The following DPYSL2 variants were observed in gnomAD, a reference collection of about 807,000 sequenced individuals.
DPYSL2 encodes the protein dihydropyrimidinase like 2.
A neutral mutation model predicts 69.9 loss-of-function variants in DPYSL2; 13 were observed. The ratio of observed to expected loss-of-function variants is 0.19; its 90% CI spans 0.12 to 0.30. DPYSL2 has a LOEUF of 0.30. Among genes scored for constraint, DPYSL2 ranks in the 10% least tolerant of loss-of-function variants. The pLI, the probability that DPYSL2 is intolerant of heterozygous loss-of-function variation, is 1.00. For missense variants in DPYSL2, 587 were observed against 918.9 expected, an observed-to-expected ratio of 0.64 and a Z score of 4.67; for synonymous variants, 326 against 359.1, an observed-to-expected ratio of 0.91 and a Z score of 1.04.
chr8:26,656,008 C>T lies in DPYSL2; in HGVS notation c.*302C>T, dbSNP rs141974785. 0.012 allele frequency: 3,445 copies of T among 283,386 alleles called. 139 individuals are homozygous for T. Among genetic ancestry groups the T allele is most frequent in the Admixed American group, 0.094 (1,800 of 19,146 alleles). The allele number at this position is 283,386 out of a possible 1,614,324, so 17.6% of individuals were successfully genotyped here. On this transcript the variant is annotated 3_prime_UTR_variant, in exon 14 of 14. Coordinates refer to ENST00000521913, the MANE Select transcript of DPYSL2 (RefSeq NM_001197293.3). ...AGACATGCGAACAAGCAGCCCCCAG[C>T]GAGGGTCTCCTTCGCCTTCAACCTC...
At position 26,627,631 on chromosome 8, in the gene DPYSL2, C is replaced by T. The variant is rs1029513515; in HGVS notation, c.937-241C>T. ...GGCTGAGGGTTGCAAATGCACCAGT[C>T]GTCAGCATCCCAGGGAACAGCTGAA... On this transcript the variant is annotated intron_variant, in intron 6 of 13. Transcript: ENST00000521913. This position sits in a 1 kb window ranked among gnomAD's most constrained non-coding sequence, Gnocchi z 6.9. Among the ~76,000 whole-genome samples, 30 of 152,276 alleles carry T rather than the reference C, an allele frequency of 2.0e-4. No homozygotes were observed. The highest frequency in any genetic ancestry group is 7.0e-4 in the African/African-American group (29 of 41,546).
At chr8:26,622,476 ATGTGTGTGTGTGTGTGTGTG>A (rs372106979) in intron 3 of DPYSL2, among the ~76,000 whole-genome samples, 33 of 127,564 alleles carry the variant, frequency 2.6e-4, no homozygotes, top group Non-Finnish European at 4.1e-4. Flanking sequence ...GTGTGTGTAT[ATGTGTGTGTGTGTGTGTGTG>A]TATATATATA....
chr8:26,535,633 A>ATTTTT (rs1408347228), intron 1 of DPYSL2, among the ~76,000 whole-genome samples: 1 of 149,908 alleles, frequency 6.7e-6, no homozygotes, highest in African/African-American at 2.5e-5. Context: ...ATATATATAT[A>ATTTTT]TATTTTTTTT....
At chr8:26,616,763 A>G (rs566964825) in intron 3 of DPYSL2, among the ~76,000 whole-genome samples, 6 of 151,848 alleles carry the variant, frequency 4.0e-5, no homozygotes, top group Non-Finnish European at 7.4e-5. Context: ...CACGGGTGTA[A>G]CCTTGAGGTG....
At chr8:26,568,730 C>T (rs1046238861) in intron 1 of DPYSL2, among the ~76,000 whole-genome samples, 1 of 94,514 alleles carries the variant, frequency 1.1e-5, no homozygotes, top group Non-Finnish European at 1.9e-5. Flanking sequence ...ATGTTATTTA[C>T]ACTTTCAGAG....
intron 1 of DPYSL2, among the ~76,000 whole-genome samples, chr8:26,561,848 G>A (rs1159117821): frequency 1.3e-5 from 2 of 152,246 alleles, no homozygotes; most frequent in East Asian, 3.9e-4. Flanking sequence ...GAGCTCAGGC[G>A]GTAATGCTGG....
At chr8:26,623,348 CA>C (rs1170238414) in intron 3 of DPYSL2, among the ~76,000 whole-genome samples, 1 of 152,184 alleles carries the variant, frequency 6.6e-6, no homozygotes, top group Non-Finnish European at 1.5e-5. Context: ...GGATTTAAAT[CA>C]GGGAATGACA....
At position 26,609,525 on chromosome 8, in the gene DPYSL2, C is replaced by T. The variant is rs1802181372; in HGVS notation, c.629-14618C>T. Among the ~76,000 whole-genome samples, 1 of 152,186 alleles carries T rather than the reference C, an allele frequency of 6.6e-6. No individual in the cohort carries two copies. Among genetic ancestry groups the T allele is most frequent in the Admixed American group, 6.5e-5 (1 of 15,278 alleles). ...TGTTATTTTTTTGTGATGTTCTGTA[C>T]AGCCCTGTAATCTCTTATTTTTGGC... On this transcript the variant is annotated intron_variant, in intron 3 of 13. Coordinates refer to ENST00000521913, the MANE Select transcript of DPYSL2 (RefSeq NM_001197293.3). This position sits in a 1 kb window ranked among gnomAD's most constrained non-coding sequence, Gnocchi z 6.5.
chr8:26,652,190 G>A lies in DPYSL2; in HGVS notation c.1597-67G>A. Reference sequence around the variant, plus strand: ...TGTCTCTGTGGGGTTGGGGCAGTGGGTGCTGCCGGGTGGATTGAGTCCAGC... The same window carrying A: ...TGTCTCTGTGGGGTTGGGGCAGTGGATGCTGCCGGGTGGATTGAGTCCAGC... On this transcript the variant is annotated intron_variant, in intron 11 of 13. Transcript: ENST00000521913. The surrounding 1 kb of genome is among the most constrained non-coding windows in gnomAD (Gnocchi z 6.3). The A allele has an allele frequency of 6.8e-7, 1 of 1,475,588 alleles. No individual in the cohort carries two copies. The highest frequency in any genetic ancestry group is 9.1e-7 in the Non-Finnish European group (1 of 1,096,298). The allele number at this position is 1,475,588 out of a possible 1,614,324, so 91.4% of individuals were successfully genotyped here.
rs552941821 is a variant in DPYSL2 at position 26,545,718 on chromosome 8, G to A, written c.354+31039G>A. Reference sequence around the variant, plus strand: ...GGAGGCAGAGGTTGCAGTGAGCTGAGATTATGCCACTGCACTCCAGCCTGA... The same window carrying A: ...GGAGGCAGAGGTTGCAGTGAGCTGAAATTATGCCACTGCACTCCAGCCTGA... On this transcript the variant is annotated intron_variant, in intron 1 of 13. Coordinates refer to ENST00000521913, the MANE Select transcript of DPYSL2 (RefSeq NM_001197293.3). 1.5e-4 allele frequency among the ~76,000 whole-genome samples: 23 copies of A among 151,860 alleles called. No homozygotes were observed. The South Asian group carries it at 2.9e-3, about 19-fold the overall frequency.
intron 1 of DPYSL2, among the ~76,000 whole-genome samples, chr8:26,579,148 G>A (rs1177427548): frequency 1.3e-5 from 2 of 152,262 alleles, no homozygotes; most frequent in Non-Finnish European, 2.9e-5. Flanking sequence ...CGCGACGCGG[G>A]AGCAGATGGC....
Position 26,632,836 on chromosome 8 carries a change from G to A in DPYSL2, c.1006-1944G>A, listed in dbSNP as rs1466365723. 3.9e-5 allele frequency among the ~76,000 whole-genome samples: 6 copies of A among 152,204 alleles called. No homozygotes were observed. The South Asian group carries it at 1.2e-3, about 31-fold the overall frequency. On this transcript the variant is annotated intron_variant, in intron 7 of 13. Coordinates refer to ENST00000521913, the MANE Select transcript of DPYSL2 (RefSeq NM_001197293.3). The stretch of plus-strand genomic sequence containing the variant: ...GTGGAGAGAGAGGGCTTCTCCTTCA[G>A]CTGTCTTAGGAATGAAAAACATTTG...
intron 1 of DPYSL2, among the ~76,000 whole-genome samples, chr8:26,563,271 A>AT (rs994010663): frequency 6.6e-6 from 1 of 152,026 alleles, no homozygotes; most frequent in African/African-American, 2.4e-5. Flanking sequence ...ATTCCACCTC[A>AT]TCCTAATCTC....
Position 26,580,029 on chromosome 8 carries a change from C to G in DPYSL2, c.355-1940C>G, listed in dbSNP as rs1348835761. Among the ~76,000 whole-genome samples, 1 of 150,788 alleles carries G rather than the reference C, an allele frequency of 6.6e-6. No individual in the cohort carries two copies. Among genetic ancestry groups the G allele is most frequent in the Non-Finnish European group, 1.5e-5 (1 of 67,862 alleles). On this transcript the variant is annotated intron_variant, in intron 1 of 13. Transcript: ENST00000521913. The surrounding 1 kb of genome is among the most constrained non-coding windows in gnomAD (Gnocchi z 4.1). ...TATAGCATGGTATTCCTCCCTCCCT[C>G]ACCACTGGCAGCCTCTTATGTAAGA... is the stretch of plus-strand genomic sequence containing the variant.
At chr8:26,613,031 T>C (rs1285384011) in intron 3 of DPYSL2, among the ~76,000 whole-genome samples, 1 of 152,242 alleles carries the variant, frequency 6.6e-6, no homozygotes, top group East Asian at 1.9e-4. Context: ...GTGAGGTTGA[T>C]ATTATTGCTA....
intron 1 of DPYSL2, among the ~76,000 whole-genome samples, chr8:26,520,610 G>C (rs1808370071): frequency 6.6e-6 from 1 of 151,534 alleles, no homozygotes; most frequent in Non-Finnish European, 1.5e-5. Context: ...AATATCCCTG[G>C]GACAAAAGCC....
chr8:26,637,664 C>T (rs1431299203), intron 8 of DPYSL2: 1 of 152,188 alleles, frequency 6.6e-6, no homozygotes, highest in Non-Finnish European at 1.5e-5. Flanking sequence ...AGAAGGAAAG[C>T]TCTGTAAGGG....
chr8:26,595,449 C>A (rs1678624200), intron 3 of DPYSL2, among the ~76,000 whole-genome samples: 1 of 152,140 alleles, frequency 6.6e-6, no homozygotes, highest in Admixed American at 6.5e-5. Flanking sequence ...TTTGAATTTT[C>A]AGCCTTTTTT....
chr8:26,601,469 C>T (rs937598911), intron 3 of DPYSL2, among the ~76,000 whole-genome samples: 23 of 152,148 alleles, frequency 1.5e-4, no homozygotes, highest in Admixed American at 3.9e-4. Flanking sequence ...GCTCCGCCTC[C>T]TGGGTTCACG....
Sources: allele counts gnomAD v4.1 joint callset (sites outside exome capture counted in the v4.1 genomes callset), GRCh38; gene constraint gnomAD v4.1.1; non-coding constraint Gnocchi (gnomAD v3.1); transcripts MANE v1.5; gene names NCBI Gene and HGNC (gene_info 2026-07-23, HGNC 2026-07-21).